The following NT5C3A variants were observed in gnomAD, a reference collection of about 807,000 sequenced individuals.
The protein encoded by NT5C3A is cytosolic 5'-nucleotidase 3A.
In NT5C3A, 23 loss-of-function variants were observed where a neutral mutation model predicts 40.0. The ratio of observed to expected loss-of-function variants is 0.58; its 90% CI spans 0.41 to 0.81. The LOEUF is 0.81. Among genes scored for constraint, NT5C3A ranks in the 40% least tolerant of loss-of-function variants. The pLI, the probability that NT5C3A is intolerant of heterozygous loss-of-function variation, is 0.00. For missense variants in NT5C3A, 328 were observed against 403.0 expected (o/e 0.81, Z 1.59); for synonymous variants, 130 against 141.4 (o/e 0.92, Z 0.57).
At chr7:33,049,607 T>C (rs540691328) in intron 1 of NT5C3A, among the ~76,000 whole-genome samples, 12 of 152,332 alleles carry the variant, frequency 7.9e-5, no homozygotes, top group African/African-American at 2.6e-4. Flanking sequence ...ATCTCTTTTA[T>C]GTACATATTG....
intron 1 of NT5C3A, among the ~76,000 whole-genome samples, chr7:33,034,683 G>C (rs1786484489): frequency 6.6e-6 from 1 of 152,186 alleles, no homozygotes. Flanking sequence ...ACCATTTTGA[G>C]TCAACTTTCA....
chr7:33,059,145 C>T (rs1787680111), intron 1 of NT5C3A, among the ~76,000 whole-genome samples: 1 of 152,190 alleles, frequency 6.6e-6, no homozygotes, highest in East Asian at 1.9e-4. Flanking sequence ...TATCCAGCTC[C>T]ACACTGGCCA....
chr7:33,021,498 T>C (rs530356066), intron 4 of NT5C3A, 141 bp from the exon 5 acceptor site: 12 of 1,095,562 alleles, frequency 1.1e-5, no homozygotes, highest in Middle Eastern at 3.1e-4. Flanking sequence ...GAAAAAATAT[T>C]TGTTGATCTT....
chr7:33,062,486 G>C, intron 1 of NT5C3A, 82 bp downstream of exon 1: 1 of 1,293,896 alleles, frequency 7.7e-7, no homozygotes, highest in Non-Finnish European at 1.1e-6. Context: ...ACCGAACAGC[G>C]GCCCAGCACA....
chr7:33,044,234 C>G (rs766851768), intron 1 of NT5C3A, among the ~76,000 whole-genome samples: 12 of 152,036 alleles, frequency 7.9e-5, no homozygotes, highest in Non-Finnish European at 1.5e-4. Context: ...CTATATCAGG[C>G]TGTCTCTGGG....
chr7:33,043,977 A>G (rs974681544), intron 1 of NT5C3A, among the ~76,000 whole-genome samples: 4 of 152,168 alleles, frequency 2.6e-5, no homozygotes, highest in African/African-American at 7.2e-5. Flanking sequence ...AGGAGAAGTT[A>G]AGTCACTTAC....
At position 33,017,422 on chromosome 7, in the gene NT5C3A, C is replaced by T. The variant is rs750343126; in HGVS notation, c.693+17G>A. ...TTTCAGATTTTAAAATTATGAAGAA[C>T]GATTTGATATTCTTACAGTTTCATC... On this transcript the variant is annotated intron_variant, in intron 7 of 8. Coordinates refer to ENST00000610140, the MANE Select transcript of NT5C3A (RefSeq NM_001002010.5). The T allele has an allele frequency of 1.5e-5, 23 of 1,553,456 alleles. No homozygotes were observed. In the East Asian group the frequency reaches 2.0e-4, roughly 14 times the overall value.
chr7:33,043,904 T>C (rs1055233106), intron 1 of NT5C3A, among the ~76,000 whole-genome samples: 1 of 152,218 alleles, frequency 6.6e-6, no homozygotes, highest in Non-Finnish European at 1.5e-5. Context: ...TGTAATTTAA[T>C]TGGTGTAATT....
chr7:33,061,042 T>A (rs1309323928), intron 1 of NT5C3A, among the ~76,000 whole-genome samples: 1 of 152,226 alleles, frequency 6.6e-6, no homozygotes, highest in African/African-American at 2.4e-5. Context: ...ACTGTTCCTA[T>A]GATGGTATCA....
At chr7:33,055,194 G>A (rs568929546) in intron 1 of NT5C3A, among the ~76,000 whole-genome samples, 8 of 152,178 alleles carry the variant, frequency 5.3e-5, no homozygotes, top group African/African-American at 1.9e-4. Context: ...GCGTGGTGGT[G>A]CCTGTCTATA....
chr7:33,056,473 CAAAAAAAAAAAAAAAAAAAAAAAAAA>C (rs70989927), intron 1 of NT5C3A, among the ~76,000 whole-genome samples: 2,121 of 43,820 alleles, frequency 0.048, 82 homozygotes, highest in African/African-American at 0.11. Context: ...CCGTCTCTAC[CAAAAAAAAAAAAAAAAAAAAAAAAAA>C]AAAAAAAAAA....
chr7:33,016,596 G>A (rs1429150727), intron 7 of NT5C3A, among the ~76,000 whole-genome samples: 7 of 150,582 alleles, frequency 4.6e-5, no homozygotes, highest in Non-Finnish European at 8.9e-5. Context: ...CTTGAACCTG[G>A]GAGGTGGAGG....
At chr7:33,024,205 G>A in intron 2 of NT5C3A, 97 bp from the exon 3 acceptor site, 1 of 726,858 alleles carries the variant, frequency 1.4e-6, no homozygotes, top group African/African-American at 1.7e-5. Context: ...TTTCCTAGAT[G>A]CATAGGACTG....
At chr7:33,059,117 A>G (rs560416777) in intron 1 of NT5C3A, among the ~76,000 whole-genome samples, 26 of 152,274 alleles carry the variant, frequency 1.7e-4, no homozygotes, top group Admixed American at 5.2e-4. Context: ...TCGCTGTAAA[A>G]CTATGGATGA....
chr7:33,051,103 C>A (rs1309870896), intron 1 of NT5C3A, among the ~76,000 whole-genome samples: 2 of 152,198 alleles, frequency 1.3e-5, no homozygotes, highest in East Asian at 3.9e-4. Context: ...CTTTATATAT[C>A]TCTCTCTTTA....
intron 1 of NT5C3A, chr7:33,046,073 T>A (rs1201044503): frequency 6.6e-6 from 1 of 152,272 alleles, no homozygotes; most frequent in Non-Finnish European, 1.5e-5. Flanking sequence ...CCATAGGCGC[T>A]AGGCCAGTAC....
At chr7:33,056,466 T>A (rs1460489603) in intron 1 of NT5C3A, among the ~76,000 whole-genome samples, 1 of 82,398 alleles carries the variant, frequency 1.2e-5, no homozygotes, top group Admixed American at 2.1e-4. Flanking sequence ...TGAGACCCCG[T>A]CTCTACCAAA....
At chr7:33,034,381 A>C (rs1786465126) in intron 1 of NT5C3A, among the ~76,000 whole-genome samples, 1 of 152,186 alleles carries the variant, frequency 6.6e-6, no homozygotes, top group African/African-American at 2.4e-5. Context: ...ACATTATACA[A>C]AGAGGATTAA....
intron 3 of NT5C3A, among the ~76,000 whole-genome samples, chr7:33,023,217 T>C (rs1367471337): frequency 6.6e-6 from 1 of 152,130 alleles, no homozygotes; most frequent in Non-Finnish European, 1.5e-5. Flanking sequence ...TGGCGATTTT[T>C]AGCATTTTTT....
Sources: gnomAD v4.1 joint callset for allele counts (sites outside exome capture counted in the v4.1 genomes callset) on GRCh38, gnomAD v4.1.1 for gene constraint, MANE v1.5 for transcripts, NCBI Gene and HGNC (gene_info 2026-07-23, HGNC 2026-07-21) for gene names.